ABCB5: variants seen among roughly 807,000 people sequenced by gnomAD.
ABCB5 encodes the protein ATP binding cassette subfamily B member 5.
In ABCB5, 155 loss-of-function variants were observed where a neutral mutation model predicts 144.2. That is an observed-to-expected ratio of 1.08 (90% CI 0.94 to 1.23). The LOEUF (loss-of-function observed/expected upper bound fraction) is 1.23, where lower values mean the gene tolerates loss of function less well. Among genes scored for constraint, ABCB5 ranks in the 50% most tolerant of loss-of-function variants. The probability of loss-of-function intolerance (pLI) is 0.00; values close to 1 mark genes in which losing one functional copy is unlikely to be tolerated. For missense variants in ABCB5, 1,830 were observed against 1,520.8 expected, an observed-to-expected ratio of 1.20 and a Z score of -3.38; for synonymous variants, 610 against 528.6, an observed-to-expected ratio of 1.15 and a Z score of -2.11.
chr7:20,649,128 TA>T (rs1265198125), intron 11 of ABCB5, among the ~76,000 whole-genome samples: 1 of 152,164 alleles, frequency 6.6e-6, no homozygotes, highest in East Asian at 1.9e-4. Flanking sequence ...TTTAAATAAA[TA>T]AATTCTTTCA....
At chr7:20,741,562 C>T (rs1356900804) in intron 24 of ABCB5, among the ~76,000 whole-genome samples, 1 of 113,488 alleles carries the variant, frequency 8.8e-6, no homozygotes, top group Non-Finnish European at 1.9e-5. Context: ...GGCAAATATC[C>T]TTCCAGATTT....
intron 14 of ABCB5, among the ~76,000 whole-genome samples, chr7:20,669,116 C>G (rs1191360624): frequency 6.6e-6 from 1 of 151,008 alleles, no homozygotes; most frequent in African/African-American, 2.4e-5. Context: ...GGGGTCAGCC[C>G]CCCACCCGGC....
intron 14 of ABCB5, among the ~76,000 whole-genome samples, chr7:20,668,561 CCCGGCAG>C (rs2128034313): frequency 6.6e-6 from 1 of 151,848 alleles, no homozygotes; most frequent in East Asian, 2.0e-4. Flanking sequence ...AGCGTCTCCG[CCCGGCAG>C]CCACCCCGTC....
chr7:20,745,496 C>G, intron 26 of ABCB5, 58 bp downstream of exon 26: 3 of 1,504,778 alleles, frequency 2.0e-6, no homozygotes, highest in Non-Finnish European at 2.8e-6. Flanking sequence ...TAAGTAGCTA[C>G]TGGGCCTATG....
At chr7:20,653,840 T>A (rs1164806597) in intron 13 of ABCB5, among the ~76,000 whole-genome samples, 1 of 152,182 alleles carries the variant, frequency 6.6e-6, no homozygotes, top group African/African-American at 2.4e-5. Context: ...GAACACTGGA[T>A]AGAAGTCAGG....
intron 3 of ABCB5, 141 bp downstream of exon 3, chr7:20,626,752 TCGATAGAAA>T: frequency 1.4e-6 from 1 of 730,598 alleles, no homozygotes; most frequent in East Asian, 3.2e-5. Context: ...AGTATGATTT[TCGATAGAAA>T]AAATATAAAC....
chr7:20,669,427 T>C lies in ABCB5; in HGVS notation c.1707+10751T>C, dbSNP rs568381580. 6.2e-3 allele frequency among the ~76,000 whole-genome samples: 861 copies of C among 139,472 alleles called. 2 individuals are homozygous for C. The highest frequency in any genetic ancestry group is 0.024 in the African/African-American group (806 of 34,276). The allele number at this position is 139,472 out of a possible 152,430, so 91.5% of individuals were successfully genotyped here. A position where few individuals can be genotyped will look rare whatever the true frequency, so the allele number is the denominator to read the frequency against. Reference sequence around the variant, plus strand: ...GGGATCCTGTTGATCTGTGACCTTATCCCCAACCCTGTGCTCTCTGAAACA... The same window carrying C: ...GGGATCCTGTTGATCTGTGACCTTACCCCCAACCCTGTGCTCTCTGAAACA... On this transcript the variant is annotated intron_variant, in intron 14 of 27. Coordinates refer to ENST00000404938, the MANE Select transcript of ABCB5 (RefSeq NM_001163941.2).
intron 20 of ABCB5, among the ~76,000 whole-genome samples, chr7:20,722,355 T>A (rs1157914572): frequency 6.6e-6 from 1 of 152,198 alleles, no homozygotes; most frequent in Non-Finnish European, 1.5e-5. Flanking sequence ...ACACTCAACT[T>A]GCACTGGGCT....
At chr7:20,660,991 G>A (rs5011447) in intron 14 of ABCB5, among the ~76,000 whole-genome samples, 16,254 of 152,182 alleles carry the variant, frequency 0.11, 1,047 homozygotes, top group South Asian at 0.19. Context: ...TAACTAAACA[G>A]CAACATGAAG....
At chr7:20,668,408 G>C (rs1785294951) in intron 14 of ABCB5, among the ~76,000 whole-genome samples, 1 of 150,106 alleles carries the variant, frequency 6.7e-6, no homozygotes, top group Admixed American at 6.6e-5. Context: ...CCTCTGCTGG[G>C]CCGCAACCCT....
chr7:20,715,836 C>T (rs1349908761), intron 20 of ABCB5, among the ~76,000 whole-genome samples: 1 of 151,892 alleles, frequency 6.6e-6, no homozygotes, highest in East Asian at 1.9e-4. Flanking sequence ...TCTCCTGCCT[C>T]AGCCTCTCAA....
intron 14 of ABCB5, 115 bp downstream of exon 14, chr7:20,658,791 A>G (rs1420205194): frequency 7.9e-7 from 1 of 1,271,426 alleles, no homozygotes; most frequent in Non-Finnish European, 1.1e-6. Flanking sequence ...CTTAAGGTAT[A>G]AAGGCAGGAT....
intron 23 of ABCB5, among the ~76,000 whole-genome samples, chr7:20,732,988 A>T (rs988090417): frequency 6.6e-6 from 1 of 152,168 alleles, no homozygotes; most frequent in Non-Finnish European, 1.5e-5. Flanking sequence ...ACTCAGTTTT[A>T]AGTATTTGCT....
chr7:20,688,950 C>G (rs1381979098), intron 16 of ABCB5, among the ~76,000 whole-genome samples: 1 of 151,392 alleles, frequency 6.6e-6, no homozygotes, highest in Non-Finnish European at 1.5e-5. Context: ...GGGAACATCA[C>G]ACACCAGGGT....
chr7:20,694,851 C>T (rs772274550), intron 16 of ABCB5, among the ~76,000 whole-genome samples: 9 of 151,628 alleles, frequency 5.9e-5, no homozygotes, highest in Non-Finnish European at 1.3e-4. Flanking sequence ...TACAATAGTA[C>T]CAAAATATTA....
chr7:20,712,530 T>G (rs1187699874), intron 20 of ABCB5, among the ~76,000 whole-genome samples: 1 of 149,702 alleles, frequency 6.7e-6, no homozygotes, highest in Non-Finnish European at 1.5e-5. Flanking sequence ...GCCTGAAGTT[T>G]TACCACATCT....
chr7:20,655,833 A>C (rs1207345841), intron 13 of ABCB5, among the ~76,000 whole-genome samples: 49 of 145,356 alleles, frequency 3.4e-4, no homozygotes, highest in Non-Finnish European at 6.0e-5. Context: ...TTGGAAATTC[A>C]AAAGACCAAC....
At chr7:20,666,725 T>C (rs200712522) in intron 14 of ABCB5, 2 of 1,594,620 alleles carry the variant, frequency 1.3e-6, no homozygotes, top group South Asian at 1.2e-5. Flanking sequence ...GGATAGGAGA[T>C]ACTAGGAAAT....
rs1398368122 is a variant in ABCB5 at position 20,681,113 on chromosome 7, TTTCTTTC to T, written c.1708-389_1708-383del. Among the ~76,000 whole-genome samples the T allele has an allele frequency of 7.4e-3, 53 of 7,162 alleles. 2 individuals are homozygous for T. The highest frequency in any genetic ancestry group is 0.013 in the African/African-American group (49 of 3,672). The allele number at this position is 7,162 out of a possible 152,430, so 4.7% of individuals were successfully genotyped here. ...CTTTCTTTCTTTCTTTCTTTCTTTC[TTTCTTTC>T]TTTCTTTTTCTTTCTGTCTTCTTTT... On this transcript the variant is annotated intron_variant, in intron 14 of 27. Transcript: ENST00000404938.
Sources: allele counts gnomAD v4.1 joint callset (sites outside exome capture counted in the v4.1 genomes callset), GRCh38; gene constraint gnomAD v4.1.1; transcripts MANE v1.5; gene names NCBI Gene and HGNC (gene_info 2026-07-23, HGNC 2026-07-21).